Variants in GRIN2B observed in about 807,000 individuals in gnomAD.
GRIN2B encodes glutamate ionotropic receptor NMDA type subunit 2B, also known as glutamate receptor ionotropic, NMDA 2B.
Under a neutral mutation model 114.5 loss-of-function variants are expected in GRIN2B, and 5 were observed. That is an observed-to-expected ratio of 0.04 (90% CI 0.02 to 0.09). The LOEUF (loss-of-function observed/expected upper bound fraction) is 0.09. Among genes scored for constraint, GRIN2B ranks in the 10% least tolerant of loss-of-function variants. The pLI, the probability that GRIN2B is intolerant of heterozygous loss-of-function variation, is 1.00. For synonymous variants in GRIN2B, 787 were observed against 745.1 expected (o/e 1.06, Z -0.92); for missense variants, 1,108 against 1,943.5 (o/e 0.57, Z 8.08).
intron 10 of GRIN2B, among the ~76,000 whole-genome samples, chr12:13,607,178 TAATA>T (rs1478675416): frequency 2.3e-4 from 27 of 117,048 alleles, no homozygotes; most frequent in African/African-American, 7.6e-4. Flanking sequence ...AAAATATATA[TAATA>T]AATATATAAA....
At chr12:13,703,665 AC>A (rs1950332014) in intron 4 of GRIN2B, among the ~76,000 whole-genome samples, 1 of 152,050 alleles carries the variant, frequency 6.6e-6, no homozygotes, top group African/African-American at 2.4e-5. Flanking sequence ...AATTTAATCA[AC>A]CCCCTCTTCA....
At chr12:13,783,474 G>A (rs1212757757) in intron 3 of GRIN2B, among the ~76,000 whole-genome samples, 1 of 41,636 alleles carries the variant, frequency 2.4e-5, no homozygotes, top group Non-Finnish European at 5.8e-5. Context: ...CCACAGATAG[G>A]CAGCAGGGTG....
At chr12:13,614,636 A>C (rs1949412094) in intron 8 of GRIN2B, among the ~76,000 whole-genome samples, 1 of 152,230 alleles carries the variant, frequency 6.6e-6, no homozygotes, top group Non-Finnish European at 1.5e-5. Flanking sequence ...ATTTGCGTGG[A>C]AACAAAAAAT....
In GRIN2B at chr12:13,879,856, G is replaced by C. The variant is rs575040708; in HGVS notation, c.-18-13630C>G. 7.5e-4 allele frequency among the ~76,000 whole-genome samples: 114 copies of C among 152,352 alleles called. 1 individual carries two copies. Among genetic ancestry groups the C allele is most frequent in the African/African-American group, 2.6e-3 (110 of 41,590 alleles). On this transcript the variant is annotated intron_variant, in intron 2 of 13. Coordinates refer to ENST00000609686, the MANE Select transcript of GRIN2B (RefSeq NM_000834.5). ...GCAGAATTCTCCAAAATCAGATAAA[G>C]GGAGTACAATCAGGATGTCTGCAAC... is the stretch of plus-strand genomic sequence containing the variant.
At chr12:13,822,532 G>A (rs531777960) in intron 3 of GRIN2B, among the ~76,000 whole-genome samples, 1 of 152,094 alleles carries the variant, frequency 6.6e-6, no homozygotes, top group Non-Finnish European at 1.5e-5. Flanking sequence ...ATGAGGAACA[G>A]TTAAGAAATG....
Position 13,866,189 on chromosome 12 carries a change from C to A in GRIN2B, c.20G>T (p.Cys7Phe). ...CACCAACCAGAACTTGGGAGAACAG[C>A]ACTCCGCTCTGGGCTTCATCTTCAA... is the stretch of plus-strand genomic sequence containing the variant. MKPRAE[C>F]CSPKFWLVLA... The change falls in exon 3 of 14, where the codon TGC becomes TTC. Residue 7 changes from cysteine to phenylalanine, a missense_variant. This residue lies in a region of GRIN2B where 46 missense variants were observed against 44.4 expected (regional missense o/e 1.04). Coordinates refer to ENST00000609686, the MANE Select transcript of GRIN2B (RefSeq NM_000834.5). 6.2e-7 allele frequency: 1 copy of A among 1,610,306 alleles called. No individual in the cohort carries two copies. Among genetic ancestry groups the A allele is most frequent in the Non-Finnish European group, 8.5e-7 (1 of 1,179,958 alleles).
intron 5 of GRIN2B, among the ~76,000 whole-genome samples, chr12:13,650,532 A>G (rs532119446): frequency 1.3e-5 from 2 of 152,220 alleles, no homozygotes; most frequent in South Asian, 2.1e-4. Context: ...GTAGAGATTC[A>G]GGACGACCAG....
At chr12:13,602,671 T>G (rs545466831) in intron 10 of GRIN2B, among the ~76,000 whole-genome samples, 25 of 152,318 alleles carry the variant, frequency 1.6e-4, no homozygotes, top group African/African-American at 6.0e-4. Context: ...GCCCTTCCTA[T>G]ATCCCAAAAG....
chr12:13,942,953 GA>G (rs2136838217), intron 2 of GRIN2B, among the ~76,000 whole-genome samples: 1 of 152,144 alleles, frequency 6.6e-6, no homozygotes, highest in South Asian at 2.1e-4. Context: ...TCACATCCTT[GA>G]CCCCTCTGGT....
chr12:13,965,893 G>T (rs966220396), intron 2 of GRIN2B, among the ~76,000 whole-genome samples: 3 of 152,150 alleles, frequency 2.0e-5, no homozygotes, highest in Admixed American at 2.0e-4. Context: ...TTCTGAAGAT[G>T]CCTACCTTCC....
At chr12:13,703,590 C>T (rs1039695880) in intron 4 of GRIN2B, among the ~76,000 whole-genome samples, 3 of 152,140 alleles carry the variant, frequency 2.0e-5, no homozygotes, top group Non-Finnish European at 2.9e-5. Context: ...TCTCTCTACA[C>T]ATACACACAC....
chr12:13,899,390 G>GATCTCACATGCTATATCTCTAAGCT (rs1335078069), intron 2 of GRIN2B, among the ~76,000 whole-genome samples: 3,252 of 111,946 alleles, frequency 0.029, 354 homozygotes, highest in Non-Finnish European at 0.054. Flanking sequence ...AAAGGAAGTG[G>GATCTCACATGCTATATCTCTAAGCT]GTCAGTGTCA....
chr12:13,888,813 G>A (rs1866210181), intron 2 of GRIN2B, among the ~76,000 whole-genome samples: 1 of 151,766 alleles, frequency 6.6e-6, no homozygotes, highest in African/African-American at 2.4e-5. Context: ...AAATGGTATA[G>A]GGCACTTACC....
At position 13,782,329 on chromosome 12, in the gene GRIN2B, T is replaced by TTA. The variant is rs200532621; in HGVS notation, c.412-28416_412-28415dup. Among the ~76,000 whole-genome samples, 1,355 of 151,872 alleles carry TTA rather than the reference T, an allele frequency of 8.9e-3. 21 individuals are homozygous for TTA. Among genetic ancestry groups the TTA allele is most frequent in the African/African-American group, 0.031 (1,278 of 41,384 alleles). ...CTCTCTCTCCCCGCTCCCTCTCTCT[T>TTA]TATATATATATCTCTCTTCTGCTAA... On this transcript the variant is annotated intron_variant, in intron 3 of 13. Transcript: ENST00000609686.
intron 2 of GRIN2B, among the ~76,000 whole-genome samples, chr12:13,918,829 C>T (rs1007016050): frequency 2.0e-5 from 3 of 152,184 alleles, no homozygotes; most frequent in African/African-American, 7.2e-5. Flanking sequence ...AAATGGATTT[C>T]TTAGTCCCTC....
intron 5 of GRIN2B, among the ~76,000 whole-genome samples, chr12:13,648,007 A>C (rs1180470463): frequency 2.0e-5 from 3 of 152,068 alleles, no homozygotes; most frequent in African/African-American, 7.2e-5. Context: ...TGGATTATAA[A>C]GGCTGAAAAT....
At chr12:13,745,188 A>G (rs1474687208) in intron 4 of GRIN2B, among the ~76,000 whole-genome samples, 1 of 152,188 alleles carries the variant, frequency 6.6e-6, no homozygotes, top group African/African-American at 2.4e-5. Context: ...GCTGTGGTCC[A>G]GCCCTCACTC....
intron 4 of GRIN2B, among the ~76,000 whole-genome samples, chr12:13,676,678 G>A (rs1950077636): frequency 6.6e-6 from 1 of 152,128 alleles, no homozygotes; most frequent in African/African-American, 2.4e-5. Flanking sequence ...GAGGTGGCAT[G>A]TAGGAGCCTA....
rs78189521 is a variant in GRIN2B, at chr12:13,741,657, A to G, written c.1010+11660T>C. Among the ~76,000 whole-genome samples the G allele has an allele frequency of 3.9e-5, 6 of 152,216 alleles. No homozygotes were observed. In the East Asian group the frequency reaches 1.2e-3, roughly 29 times the overall value. On this transcript the variant is annotated intron_variant, in intron 4 of 13. Coordinates refer to ENST00000609686, the MANE Select transcript of GRIN2B (RefSeq NM_000834.5). ...TGCAGCCTCTATCTTCCTGGGCCCA[A>G]GTGATTCTCACCTAAGCTTCCCAGG...
Sources: allele counts gnomAD v4.1 joint callset (sites outside exome capture counted in the v4.1 genomes callset), GRCh38; gene constraint gnomAD v4.1.1; regional missense constraint gnomAD v4.1.1; transcripts MANE v1.5; gene names NCBI Gene and HGNC (gene_info 2026-07-23, HGNC 2026-07-21).